Variants in AP4S1 observed in about 807,000 individuals in gnomAD.
AP4S1 encodes AP-4 complex subunit sigma-1.
A neutral mutation model predicts 19.8 loss-of-function variants in AP4S1; 23 were observed. The ratio of observed to expected loss-of-function variants is 1.16; its 90% CI spans 0.84 to 1.65. AP4S1 has a LOEUF of 1.65. Among genes scored for constraint, AP4S1 ranks in the 40% most tolerant of loss-of-function variants. The pLI, the probability that AP4S1 is intolerant of heterozygous loss-of-function variation, is 0.00. For missense variants in AP4S1, 166 were observed against 172.8 expected (o/e 0.96, Z 0.22); for synonymous variants, 46 against 54.1 (o/e 0.85, Z 0.66).
At chr14:31,085,419 T>TA in intron 5 of AP4S1, 1 of 987,300 alleles carries the variant, frequency 1.0e-6, no homozygotes, top group African/African-American at 1.7e-5. Flanking sequence ...GAGGCACAAA[T>TA]ATAGGCTAGA....
At chr14:31,084,407 T>A (rs1007966916) in intron 5 of AP4S1, among the ~76,000 whole-genome samples, 4 of 152,270 alleles carry the variant, frequency 2.6e-5, no homozygotes, top group Non-Finnish European at 4.4e-5. Context: ...CTTGTTTTAC[T>A]TCTAGTAAGA....
intron 1 of AP4S1, among the ~76,000 whole-genome samples, chr14:31,027,547 A>G (rs755480057): frequency 2.6e-5 from 4 of 152,194 alleles, no homozygotes; most frequent in Non-Finnish European, 4.4e-5. Context: ...CTGTAGTCCC[A>G]GCTCCTGGGG....
chr14:31,070,606 G>A (rs1012194590), intron 3 of AP4S1, among the ~76,000 whole-genome samples: 1 of 152,186 alleles, frequency 6.6e-6, no homozygotes, highest in Non-Finnish European at 1.5e-5. Context: ...TATCTAGGAT[G>A]TTTCTTGGAT....
rs976164926 is a variant in AP4S1 at position 31,095,084 on chromosome 14, C to T, written c.*2049C>T. ...TGGTGAGCACCTGTACTCCTAACTA[C>T]TCAAGAGGCTGAGATGGGAGAATTG... On this transcript the variant is annotated 3_prime_UTR_variant, in exon 6 of 6. Transcript: ENST00000542754. 3.9e-5 allele frequency: 6 copies of T among 152,218 alleles called. No homozygotes were observed. Among genetic ancestry groups the T allele is most frequent in the African/African-American group, 1.4e-4 (6 of 41,440 alleles). The allele number at this position is 152,218 out of a possible 1,614,324, so 9.4% of individuals were successfully genotyped here.
intron 4 of AP4S1, among the ~76,000 whole-genome samples, chr14:31,079,861 T>A (rs911049947): frequency 6.8e-6 from 1 of 146,730 alleles, no homozygotes; most frequent in African/African-American, 2.5e-5. Context: ...TAAAATAGAT[T>A]TTTTTAAGTG....
chr14:31,073,380 C>T (rs1223950915), intron 4 of AP4S1, among the ~76,000 whole-genome samples: 1 of 133,710 alleles, frequency 7.5e-6, no homozygotes, highest in Non-Finnish European at 1.7e-5. Context: ...GTCCCAGCTA[C>T]TCCGGAGGCT....
intron 5 of AP4S1, among the ~76,000 whole-genome samples, chr14:31,088,807 C>CAAAAA (rs1283476951): frequency 2.8e-5 from 1 of 35,344 alleles, no homozygotes; most frequent in East Asian, 8.5e-4. Flanking sequence ...GACTCCATCT[C>CAAAAA]AAAAAAAAAA....
intron 1 of AP4S1, among the ~76,000 whole-genome samples, chr14:31,064,391 AG>A (rs1886604506): frequency 1.3e-5 from 2 of 152,150 alleles, no homozygotes; most frequent in South Asian, 4.2e-4. Context: ...GCACCATTTC[AG>A]CTCACTGCAA....
chr14:31,066,421 C>CT, intron 2 of AP4S1, 87 bp downstream of exon 2: 1 of 1,545,030 alleles, frequency 6.5e-7, no homozygotes, highest in Middle Eastern at 1.7e-4. Flanking sequence ...CCATCATTTT[C>CT]TTTGAGCTAT....
chr14:31,087,799 T>C (rs1039276605), intron 5 of AP4S1, among the ~76,000 whole-genome samples: 1 of 152,228 alleles, frequency 6.6e-6, no homozygotes, highest in Non-Finnish European at 1.5e-5. Context: ...AGAAATGCCT[T>C]TGGTTGGAAG....
intron 5 of AP4S1, chr14:31,083,496 CTTT>C (rs768336426): frequency 4.2e-3 from 1,065 of 251,454 alleles, no homozygotes; most frequent in Middle Eastern, 0.01. Context: ...TGTTGACACT[CTTT>C]TTTTTTTTTT....
intron 1 of AP4S1, among the ~76,000 whole-genome samples, chr14:31,059,924 C>CAA (rs1000480654): frequency 4.2e-5 from 6 of 142,640 alleles, no homozygotes; most frequent in South Asian, 2.2e-4. Flanking sequence ...GCTGGGAGGA[C>CAA]AAAAAAATAT....
Position 31,025,673 on chromosome 14 carries a change from G to T in AP4S1, c.-186G>T. The T allele has an allele frequency of 6.2e-6, 4 of 650,080 alleles. No homozygotes were observed. Among genetic ancestry groups the T allele is most frequent in the South Asian group, 2.0e-5 (1 of 49,760 alleles). 40.3% of individuals were successfully genotyped at this position (650,080 alleles called of 1,614,324 possible). A position where few individuals can be genotyped will look rare whatever the true frequency, so the allele number is the denominator to read the frequency against. On this transcript the variant is annotated 5_prime_UTR_variant, in exon 1 of 6. Coordinates refer to ENST00000542754, the MANE Select transcript of AP4S1 (RefSeq NM_001128126.3). ...TACTAAAAGCCAAAATGGCTGCCCCGAGGAGGCCCGCACCGCGTAGCCAGT... is the reference window on the plus strand; with the variant it reads ...TACTAAAAGCCAAAATGGCTGCCCCTAGGAGGCCCGCACCGCGTAGCCAGT...
In AP4S1 at chr14:31,053,987, C is replaced by G. The variant is rs1402755238; in HGVS notation, c.-71-12139C>G. Among the ~76,000 whole-genome samples, 5 of 152,102 alleles carry G rather than the reference C, an allele frequency of 3.3e-5. No homozygotes were observed. In the East Asian group the frequency reaches 9.6e-4, roughly 29 times the overall value. On this transcript the variant is annotated intron_variant, in intron 1 of 5. Coordinates refer to ENST00000542754, the MANE Select transcript of AP4S1 (RefSeq NM_001128126.3). Reference sequence around the variant, plus strand: ...AAATGAATGGGATTCAGGGCAGGAACAGGATATGAGGGTATTTTATATGTC... The same window carrying G: ...AAATGAATGGGATTCAGGGCAGGAAGAGGATATGAGGGTATTTTATATGTC...
intron 1 of AP4S1, among the ~76,000 whole-genome samples, chr14:31,047,448 C>T (rs1393626536): frequency 4.1e-5 from 6 of 144,980 alleles, no homozygotes; most frequent in East Asian, 4.1e-4. Flanking sequence ...AGTGCAGTGG[C>T]GCGATCTTGA....
At chr14:31,030,185 G>A (rs530710999) in intron 1 of AP4S1, among the ~76,000 whole-genome samples, 38 of 152,028 alleles carry the variant, frequency 2.5e-4, no homozygotes, top group African/African-American at 7.2e-4. Context: ...ATGGGTTTTC[G>A]CCATGTTGCA....
intron 1 of AP4S1, among the ~76,000 whole-genome samples, chr14:31,065,776 T>G (rs116998319): frequency 0.011 from 1,641 of 152,288 alleles, 9 homozygotes; most frequent in Non-Finnish European, 0.016. Context: ...TTCCCCTGCC[T>G]CAGCCTTTCA....
At chr14:31,040,686 A>G (rs1410453522) in intron 1 of AP4S1, among the ~76,000 whole-genome samples, 4 of 152,082 alleles carry the variant, frequency 2.6e-5, no homozygotes, top group Non-Finnish European at 5.9e-5. Context: ...TCATAAAACA[A>G]TTTGGATTTA....
chr14:31,067,605 A>C, intron 2 of AP4S1, among the ~76,000 whole-genome samples: 1 of 146,174 alleles, frequency 6.8e-6, no homozygotes, highest in East Asian at 2.0e-4. Flanking sequence ...ACCAACCTCC[A>C]CTTCCCGGGT....
Sources: allele counts gnomAD v4.1 joint callset (sites outside exome capture counted in the v4.1 genomes callset), GRCh38; gene constraint gnomAD v4.1.1; transcripts MANE v1.5; gene names NCBI Gene and HGNC (gene_info 2026-07-23, HGNC 2026-07-21).